Variants in COL25A1 observed in about 807,000 individuals in gnomAD.
COL25A1 encodes collagen alpha-1(XXV) chain.
Under a neutral mutation model 128.4 loss-of-function variants are expected in COL25A1, and 103 were observed. The ratio of observed to expected loss-of-function variants is 0.80; its 90% CI spans 0.68 to 0.94. The LOEUF (loss-of-function observed/expected upper bound fraction) is 0.94, where lower values mean the gene tolerates loss of function less well. Ranked by LOEUF, COL25A1 falls within the 40% of genes least tolerant of loss-of-function variation. COL25A1 has a pLI of 0.00. For synonymous variants in COL25A1, 279 were observed against 277.2 expected (o/e 1.01, Z -0.06); for missense variants, 745 against 840.0 (o/e 0.89, Z 1.40).
rs1358166435 is a variant in COL25A1 at position 109,225,050 on chromosome 4, T to C, written c.367+75533A>G. On this transcript the variant is annotated intron_variant, in intron 3 of 37. Transcript: ENST00000399132. Reference sequence around the variant, plus strand: ...GAGTAAGTCCCTAGGGAATCTGCAATGTTAATTCCCAAGCTGATTATGATA... The same window carrying C: ...GAGTAAGTCCCTAGGGAATCTGCAACGTTAATTCCCAAGCTGATTATGATA... Among the ~76,000 whole-genome samples the C allele has an allele frequency of 2.0e-5, 3 of 152,172 alleles. No homozygotes were observed. In the East Asian group the frequency reaches 5.8e-4, roughly 29 times the overall value.
intron 3 of COL25A1, among the ~76,000 whole-genome samples, chr4:109,254,081 C>T (rs1350299163): frequency 2.0e-5 from 3 of 147,350 alleles, no homozygotes; most frequent in South Asian, 2.2e-4. Context: ...TGCGAGACTC[C>T]GTCTCAAGAA....
At chr4:109,279,333 G>A (rs1407974583) in intron 3 of COL25A1, among the ~76,000 whole-genome samples, 1 of 152,068 alleles carries the variant, frequency 6.6e-6, no homozygotes, top group African/African-American at 2.4e-5. Context: ...TCTCCGGCTG[G>A]GTGCAGTGAC....
At chr4:108,894,215 A>G (rs1320263343) in intron 16 of COL25A1, among the ~76,000 whole-genome samples, 1 of 152,216 alleles carries the variant, frequency 6.6e-6, no homozygotes, top group Non-Finnish European at 1.5e-5. Flanking sequence ...TTGTAAAATT[A>G]AATTTCAAAA....
rs114907141 is a variant in COL25A1 at position 109,067,454 on chromosome 4, G to A, written c.368-17275C>T. On this transcript the variant is annotated intron_variant, in intron 3 of 37. Transcript: ENST00000399132. The stretch of plus-strand genomic sequence containing the variant: ...GAAAAAAAAAATTGAAAATATTTTT[G>A]TCTTCACTGCATTTAAAAATTACAG... Among the ~76,000 whole-genome samples the A allele has an allele frequency of 2.3e-3, 355 of 152,200 alleles. 1 individual carries two copies. The highest frequency in any genetic ancestry group is 7.8e-3 in the African/African-American group (326 of 41,546).
At chr4:108,977,072 G>A (rs1752508095) in intron 6 of COL25A1, among the ~76,000 whole-genome samples, 1 of 152,134 alleles carries the variant, frequency 6.6e-6, no homozygotes, top group Non-Finnish European at 1.5e-5. Context: ...ACAAAGTATT[G>A]GAACACAGCT....
intron 37 of COL25A1, among the ~76,000 whole-genome samples, chr4:108,816,695 C>T (rs966215524): frequency 2.6e-5 from 4 of 152,090 alleles, no homozygotes; most frequent in Non-Finnish European, 4.4e-5. Flanking sequence ...CTTGACCTCT[C>T]GAATTTGTTT....
chr4:109,191,944 GAAAT>G (rs1560840616), intron 3 of COL25A1, among the ~76,000 whole-genome samples: 1 of 152,120 alleles, frequency 6.6e-6, no homozygotes, highest in African/African-American at 2.4e-5. Context: ...TTCTCTAAAA[GAAAT>G]AAAATTAAGT....
At chr4:109,189,601 C>T (rs1053940154) in intron 3 of COL25A1, among the ~76,000 whole-genome samples, 4 of 145,796 alleles carry the variant, frequency 2.7e-5, no homozygotes, top group Non-Finnish European at 6.0e-5. Context: ...AAGTGGGTTT[C>T]AAGAACGTTT....
rs1345074928 is a variant in COL25A1 at position 108,901,192 on chromosome 4, T to C, written c.781-20A>G. 1.3e-6 allele frequency: 2 copies of C among 1,573,688 alleles called. No individual in the cohort carries two copies. Among genetic ancestry groups the C allele is most frequent in the African/African-American group, 2.7e-5 (2 of 74,058 alleles). ...CTCACCCTCAAAATAGAAAAATAGA[T>C]ACTACTAAGTAAAATAGACAAAATC... On this transcript the variant is annotated intron_variant, in intron 13 of 37. Transcript: ENST00000399132.
chr4:109,266,013 T>C (rs958320033), intron 3 of COL25A1, among the ~76,000 whole-genome samples: 2 of 143,300 alleles, frequency 1.4e-5, no homozygotes, highest in African/African-American at 2.5e-5. Flanking sequence ...AAACATTTCC[T>C]GTGTTAAAGT....
At chr4:109,092,103 T>C (rs1205823732) in intron 3 of COL25A1, among the ~76,000 whole-genome samples, 1 of 151,988 alleles carries the variant, frequency 6.6e-6, no homozygotes, top group Non-Finnish European at 1.5e-5. Context: ...CCTAATGCAA[T>C]AAAGAAAGCT....
rs1329810483 is a variant in COL25A1 at position 108,812,696 on chromosome 4, A to C, written c.*1231T>G. ...AAAGAAAAAAGCATTAAAAAGAATG[A>C]AAAATACCTGTTTCTCAAACTTTGT... On this transcript the variant is annotated 3_prime_UTR_variant, in exon 38 of 38. Transcript: ENST00000399132. 1.3e-5 allele frequency: 2 copies of C among 152,246 alleles called. No individual in the cohort carries two copies. The highest frequency in any genetic ancestry group is 4.8e-5 in the African/African-American group (2 of 41,480). 9.4% of individuals were successfully genotyped at this position (152,246 alleles called of 1,614,324 possible). A position where few individuals can be genotyped will look rare whatever the true frequency, so the allele number is the denominator to read the frequency against.
intron 11 of COL25A1, among the ~76,000 whole-genome samples, chr4:108,925,665 T>C (rs1428997792): frequency 6.6e-6 from 1 of 152,106 alleles, no homozygotes; most frequent in Non-Finnish European, 1.5e-5. Flanking sequence ...GCAAATCAGG[T>C]TTTTTTATTT....
chr4:109,077,960 T>C (rs7679355), intron 3 of COL25A1, among the ~76,000 whole-genome samples: 17,540 of 152,188 alleles, frequency 0.12, 1,302 homozygotes, highest in African/African-American at 0.21. Context: ...AAGGATAATT[T>C]TGGGGATGGA....
intron 3 of COL25A1, among the ~76,000 whole-genome samples, chr4:109,295,962 T>C (rs1724936910): frequency 6.6e-6 from 1 of 151,744 alleles, no homozygotes; most frequent in Admixed American, 6.6e-5. Flanking sequence ...TTACATTGAA[T>C]GATTATCACA....
At chr4:108,887,475 A>T (rs1392029675) in intron 18 of COL25A1, among the ~76,000 whole-genome samples, 1 of 152,190 alleles carries the variant, frequency 6.6e-6, no homozygotes, top group African/African-American at 2.4e-5. Flanking sequence ...AGGAAGTCAT[A>T]ATATTGTGGG....
chr4:109,290,080 C>A (rs1250246452), intron 3 of COL25A1, among the ~76,000 whole-genome samples: 45 of 151,970 alleles, frequency 3.0e-4, no homozygotes, highest in Non-Finnish European at 4.4e-5. Context: ...TACAATTCCT[C>A]TGAGATTTCT....
intron 3 of COL25A1, among the ~76,000 whole-genome samples, chr4:109,079,891 C>T (rs1053178960): frequency 5.9e-5 from 9 of 151,788 alleles, no homozygotes; most frequent in Non-Finnish European, 1.0e-4. Context: ...GAATAGCAAC[C>T]ATTGATACGT....
chr4:109,276,769 CA>C (rs1407974838), intron 3 of COL25A1, among the ~76,000 whole-genome samples: 2 of 152,226 alleles, frequency 1.3e-5, no homozygotes, highest in South Asian at 2.1e-4. Flanking sequence ...AAAAGAAAGC[CA>C]TTTTTAAACA....
Sources: gnomAD v4.1 joint callset for allele counts (sites outside exome capture counted in the v4.1 genomes callset) on GRCh38, gnomAD v4.1.1 for gene constraint, MANE v1.5 for transcripts, NCBI Gene and HGNC (gene_info 2026-07-23, HGNC 2026-07-21) for gene names.